The following KANSL1 variants were observed in gnomAD, a reference collection of about 807,000 sequenced individuals.
KANSL1 encodes KAT8 regulatory NSL complex subunit 1.
A neutral mutation model predicts 103.6 loss-of-function variants in KANSL1; 22 were observed. The observed-to-expected ratio is 0.21, with a 90% CI of 0.15 to 0.30. The LOEUF (loss-of-function observed/expected upper bound fraction) is 0.30. KANSL1 is among the 10% of genes least tolerant of loss of function. KANSL1 has a pLI of 1.00. For synonymous variants in KANSL1, 600 were observed against 527.6 expected, an observed-to-expected ratio of 1.14 and a Z score of -1.88; for missense variants, 1,337 against 1,399.8, an observed-to-expected ratio of 0.96 and a Z score of 0.72.
intron 2 of KANSL1, among the ~76,000 whole-genome samples, chr17:46,137,507 A>AC (rs2044206249): frequency 1.3e-5 from 2 of 152,164 alleles, no homozygotes; most frequent in South Asian, 4.1e-4. Context: ...AAATACATGT[A>AC]CCCCCTCGAT....
intron 4 of KANSL1, among the ~76,000 whole-genome samples, chr17:46,072,068 T>A (rs186026632): frequency 6.7e-6 from 1 of 149,634 alleles, no homozygotes; most frequent in African/African-American, 2.5e-5. Flanking sequence ...GTTATTCACA[T>A]AAAGCAGGCA....
At chr17:46,060,055 C>T (rs909136782) in intron 6 of KANSL1, among the ~76,000 whole-genome samples, 14 of 152,140 alleles carry the variant, frequency 9.2e-5, no homozygotes, top group Admixed American at 1.3e-4. Context: ...GAAATTCCCA[C>T]GTTCCCTTAA....
At chr17:46,065,699 A>G (rs547248717) in intron 6 of KANSL1, among the ~76,000 whole-genome samples, 19 of 152,210 alleles carry the variant, frequency 1.2e-4, no homozygotes, top group Non-Finnish European at 2.4e-4. Flanking sequence ...TAATTCCTGC[A>G]CAGTACCAAT....
intron 2 of KANSL1, among the ~76,000 whole-genome samples, chr17:46,125,554 T>C (rs1425779170): frequency 6.6e-6 from 1 of 152,144 alleles, no homozygotes; most frequent in East Asian, 1.9e-4. Flanking sequence ...ATATAGGGGG[T>C]ACCACTCCCA....
chr17:46,044,293 T>G (rs994952220), intron 7 of KANSL1: 1 of 152,238 alleles, frequency 6.6e-6, no homozygotes, highest in African/African-American at 2.4e-5. Context: ...CTTAAGTTAC[T>G]GTTTCCTCAA....
At chr17:46,101,821 G>A (rs539799322) in intron 2 of KANSL1, among the ~76,000 whole-genome samples, 17 of 148,804 alleles carry the variant, frequency 1.1e-4, no homozygotes, top group East Asian at 2.0e-4. Context: ...TTTAAATTCC[G>A]TATCAAAAAG....
chr17:46,203,030 G>A (rs765230163), intron 1 of KANSL1, among the ~76,000 whole-genome samples: 5 of 152,154 alleles, frequency 3.3e-5, no homozygotes, highest in Non-Finnish European at 5.9e-5. Context: ...TCAGGAGTTC[G>A]AGACCAGCCT....
At chr17:46,132,395 A>C (rs1277336286) in intron 2 of KANSL1, among the ~76,000 whole-genome samples, 1 of 152,196 alleles carries the variant, frequency 6.6e-6, no homozygotes, top group Non-Finnish European at 1.5e-5. Context: ...ACTGTTAGAA[A>C]CAGTAAAATC....
intron 2 of KANSL1, among the ~76,000 whole-genome samples, chr17:46,125,882 C>T (rs912707431): frequency 2.6e-5 from 4 of 152,144 alleles, no homozygotes; most frequent in South Asian, 2.1e-4. Flanking sequence ...AAAATAGTTA[C>T]CTCTTATTGA....
chr17:46,086,005 C>G (rs1484085716), intron 3 of KANSL1, among the ~76,000 whole-genome samples: 1 of 152,110 alleles, frequency 6.6e-6, no homozygotes, highest in Non-Finnish European at 1.5e-5. Context: ...TGTCCCTTAG[C>G]AGAGTCATAC....
At chr17:46,164,547 C>T (rs537730865) in intron 2 of KANSL1, among the ~76,000 whole-genome samples, 4 of 152,250 alleles carry the variant, frequency 2.6e-5, no homozygotes, top group Non-Finnish European at 5.9e-5. Flanking sequence ...CTATCCCATA[C>T]ATCAAGAAAT....
chr17:46,207,793 C>T (rs1233579658), intron 1 of KANSL1, among the ~76,000 whole-genome samples: 1 of 152,086 alleles, frequency 6.6e-6, no homozygotes, highest in Middle Eastern at 3.2e-3. Flanking sequence ...GCCTGGGCAA[C>T]ATGGTAAAAC....
At chr17:46,169,103 A>C (rs1420048930) in intron 2 of KANSL1, among the ~76,000 whole-genome samples, 2 of 152,258 alleles carry the variant, frequency 1.3e-5, no homozygotes, top group African/African-American at 4.8e-5. Context: ...AAATCCTTTA[A>C]CTACAGTGTT....
chr17:46,186,884 T>C (rs1013611444), intron 1 of KANSL1, among the ~76,000 whole-genome samples: 4 of 151,716 alleles, frequency 2.6e-5, no homozygotes, highest in Admixed American at 2.0e-4. Flanking sequence ...TGCGCCACCA[T>C]GTCCAGCTAA....
intron 2 of KANSL1, among the ~76,000 whole-genome samples, chr17:46,149,927 CAGG>C (rs1325918734): frequency 1.3e-5 from 2 of 151,790 alleles, no homozygotes; most frequent in African/African-American, 2.4e-5. Flanking sequence ...GAGGCTGAGG[CAGG>C]AGAATGGTGT....
intron 6 of KANSL1, among the ~76,000 whole-genome samples, chr17:46,051,938 G>C (rs1314974656): frequency 6.6e-6 from 1 of 152,122 alleles, no homozygotes; most frequent in African/African-American, 2.4e-5. Context: ...GGTTAGACTG[G>C]GCAAATCACA....
intron 1 of KANSL1, among the ~76,000 whole-genome samples, chr17:46,186,203 GTC>G (rs1414212997): frequency 6.7e-6 from 1 of 148,902 alleles, no homozygotes; most frequent in Non-Finnish European, 1.5e-5. Flanking sequence ...GTGAAACCCC[GTC>G]TCTACTAAAA....
chr17:46,073,418 C>G (rs1467657073), intron 4 of KANSL1, among the ~76,000 whole-genome samples: 2 of 151,858 alleles, frequency 1.3e-5, no homozygotes, highest in African/African-American at 4.8e-5. Flanking sequence ...CCCTCCTTAA[C>G]GTCAAATCTA....
chr17:46,209,588 G>A (rs1353854642), intron 1 of KANSL1, among the ~76,000 whole-genome samples: 2 of 152,072 alleles, frequency 1.3e-5, no homozygotes, highest in African/African-American at 4.8e-5. Flanking sequence ...CTGTCTCCCG[G>A]GTTCAAGCCA....
Sources: allele counts gnomAD v4.1 joint callset (sites outside exome capture counted in the v4.1 genomes callset), GRCh38; gene constraint gnomAD v4.1.1; transcripts MANE v1.5; gene names NCBI Gene and HGNC (gene_info 2026-07-23, HGNC 2026-07-21).